The following GSK3B variants were observed in gnomAD, a reference collection of about 807,000 sequenced individuals.
GSK3B encodes the protein glycogen synthase kinase 3 beta.
Under a neutral mutation model 56.4 loss-of-function variants are expected in GSK3B, and 15 were observed. That is an observed-to-expected ratio of 0.27 (90% CI 0.18 to 0.41). The LOEUF is 0.41. Among genes scored for constraint, GSK3B ranks in the 10% least tolerant of loss-of-function variants. GSK3B has a pLI of 1.00. For missense variants in GSK3B, 300 were observed against 513.4 expected (o/e 0.58, Z 4.02); for synonymous variants, 181 against 188.9 (o/e 0.96, Z 0.34).
At chr3:119,956,022 C>T (rs775675343) in intron 2 of GSK3B, among the ~76,000 whole-genome samples, 2 of 102,102 alleles carry the variant, frequency 2.0e-5, no homozygotes, top group Non-Finnish European at 4.3e-5. Flanking sequence ...ACAAAGGTGG[C>T]GGCGGATAAA....
chr3:119,829,447 G>A (rs1351412792), intron 10 of GSK3B, among the ~76,000 whole-genome samples: 2 of 152,330 alleles, frequency 1.3e-5, no homozygotes, highest in Non-Finnish European at 1.5e-5. Context: ...GGGAGGCACT[G>A]ATCATCAGAA....
At chr3:119,848,433 A>G (rs2055885315) in intron 9 of GSK3B, among the ~76,000 whole-genome samples, 1 of 152,074 alleles carries the variant, frequency 6.6e-6, no homozygotes, top group African/African-American at 2.4e-5. Context: ...TTTTTTTTAA[A>G]TTAAGGTATA....
intron 1 of GSK3B, among the ~76,000 whole-genome samples, chr3:120,013,492 C>A (rs1576271273): frequency 6.6e-6 from 1 of 152,154 alleles, no homozygotes; most frequent in African/African-American, 2.4e-5. Context: ...ACTCTGGTGA[C>A]CTTGCTGTGG....
chr3:119,851,538 C>T (rs1258385113), intron 9 of GSK3B, among the ~76,000 whole-genome samples: 1 of 152,102 alleles, frequency 6.6e-6, no homozygotes, highest in Non-Finnish European at 1.5e-5. Context: ...TTGAGAGCAG[C>T]AATCAATGTG....
intron 1 of GSK3B, among the ~76,000 whole-genome samples, chr3:120,047,260 T>C (rs2058111592): frequency 6.6e-6 from 1 of 152,216 alleles, no homozygotes; most frequent in Non-Finnish European, 1.5e-5. Context: ...TTTAGTCTTT[T>C]GCAACTGTTT....
intron 1 of GSK3B, among the ~76,000 whole-genome samples, chr3:120,031,280 T>C (rs989457444): frequency 6.6e-6 from 1 of 152,202 alleles, no homozygotes; most frequent in Non-Finnish European, 1.5e-5. Flanking sequence ...ATTAATAAAA[T>C]AGTTGTGTGG....
At position 119,901,293 on chromosome 3, in the gene GSK3B, G is replaced by A. The variant is rs143698054; in HGVS notation, c.813+4462C>T. Among the ~76,000 whole-genome samples the A allele has an allele frequency of 1.2e-4, 19 of 152,204 alleles. No individual in the cohort carries two copies. In the East Asian group the frequency reaches 3.3e-3, roughly 26 times the overall value. On this transcript the variant is annotated intron_variant, in intron 7 of 10. Transcript: ENST00000264235. ...TGGAATTTGTCTTTTTACAAATGCC[G>A]TGAAAATCCAAGCATTTTTGATATG...
chr3:119,839,818 A>G (rs2055747143), intron 10 of GSK3B, among the ~76,000 whole-genome samples: 1 of 152,248 alleles, frequency 6.6e-6, no homozygotes, highest in African/African-American at 2.4e-5. Flanking sequence ...CACTGATTTA[A>G]ATCAAGTATG....
rs80021308 is a variant in GSK3B, at chr3:119,952,672, T to C, written c.283-5321A>G. On this transcript the variant is annotated intron_variant, in intron 2 of 10. Coordinates refer to ENST00000264235, the MANE Select transcript of GSK3B (RefSeq NM_001146156.2). ...ACATACATGGGAAAAACAATACAAT[T>C]AATAGCCGACTAATCATCAGGAAAA... 6.5e-3 allele frequency among the ~76,000 whole-genome samples: 958 copies of C among 146,920 alleles called. 12 individuals carry two copies. The highest frequency in any genetic ancestry group is 0.02 in the African/African-American group (819 of 40,196).
At chr3:120,005,014 A>C (rs1223308154) in intron 1 of GSK3B, among the ~76,000 whole-genome samples, 2 of 152,156 alleles carry the variant, frequency 1.3e-5, no homozygotes. Flanking sequence ...ATTGCAAGGA[A>C]GCTAAAAACC....
intron 1 of GSK3B, among the ~76,000 whole-genome samples, chr3:120,038,161 T>C (rs2058037581): frequency 1.3e-5 from 2 of 152,194 alleles, no homozygotes; most frequent in South Asian, 4.1e-4. Flanking sequence ...TTACTCAACA[T>C]GTTACTTCCT....
intron 8 of GSK3B, among the ~76,000 whole-genome samples, chr3:119,872,905 T>C (rs1469435529): frequency 3.9e-5 from 6 of 152,166 alleles, no homozygotes; most frequent in Non-Finnish European, 7.4e-5. Flanking sequence ...ACATACTAAA[T>C]GCAGAATTTA....
chr3:119,947,526 G>A (rs1328430243), intron 2 of GSK3B, among the ~76,000 whole-genome samples, 175 bp from the exon 3 acceptor site: 1 of 152,116 alleles, frequency 6.6e-6, no homozygotes, highest in Non-Finnish European at 1.5e-5. Context: ...ACTAGTCCAT[G>A]AACTATCTGT....
chr3:120,033,906 CT>C (rs1182653139), intron 1 of GSK3B, among the ~76,000 whole-genome samples: 1 of 152,200 alleles, frequency 6.6e-6, no homozygotes, highest in Non-Finnish European at 1.5e-5. Context: ...GCCTTTGGAA[CT>C]GTGAGTCAAT....
At chr3:119,841,130 CTCAGAG>C (rs766401111) in intron 10 of GSK3B, among the ~76,000 whole-genome samples, 19 of 152,150 alleles carry the variant, frequency 1.2e-4, no homozygotes, top group South Asian at 2.1e-4. Flanking sequence ...GGAGTAAACT[CTCAGAG>C]TCAAAGTTCA....
chr3:119,925,189 C>T (rs1227399357), intron 3 of GSK3B, among the ~76,000 whole-genome samples: 3 of 152,062 alleles, frequency 2.0e-5, no homozygotes, highest in East Asian at 1.9e-4. Flanking sequence ...ATTAGCCAGG[C>T]GTGGTGGTGT....
intron 1 of GSK3B, among the ~76,000 whole-genome samples, chr3:120,067,661 G>A (rs1219709095): frequency 6.6e-6 from 1 of 152,130 alleles, no homozygotes; most frequent in Non-Finnish European, 1.5e-5. Flanking sequence ...AAAGTAATCT[G>A]ACTAAAAAGT....
At chr3:120,093,237 T>C in intron 1 of GSK3B, 110 bp downstream of exon 1, 1 of 741,096 alleles carries the variant, frequency 1.3e-6, no homozygotes, top group South Asian at 1.6e-5. Context: ...TTTTGCCCTT[T>C]TCCATTGCCT....
chr3:119,991,132 T>G (rs1187955856), intron 2 of GSK3B, among the ~76,000 whole-genome samples: 1 of 152,096 alleles, frequency 6.6e-6, no homozygotes, highest in African/African-American at 2.4e-5. Flanking sequence ...ACATGCAACT[T>G]ACTGATTTTC....
Sources: allele counts gnomAD v4.1 joint callset (sites outside exome capture counted in the v4.1 genomes callset), GRCh38; gene constraint gnomAD v4.1.1; transcripts MANE v1.5; gene names NCBI Gene and HGNC (gene_info 2026-07-23, HGNC 2026-07-21).